SCFD2: variants seen among roughly 807,000 people sequenced by gnomAD.
SCFD2 encodes the protein sec1 family domain containing 2.
A neutral mutation model predicts 58.9 loss-of-function variants in SCFD2; 54 were observed. That is an observed-to-expected ratio of 0.92 (90% CI 0.74 to 1.15). SCFD2 has a LOEUF of 1.15. Among genes scored for constraint, SCFD2 ranks in the 50% most tolerant of loss-of-function variants. The pLI is 0.00. For missense variants in SCFD2, 805 were observed against 836.6 expected (o/e 0.96, Z 0.47); for synonymous variants, 321 against 335.9 (o/e 0.96, Z 0.49).
intron 7 of SCFD2, among the ~76,000 whole-genome samples, chr4:52,901,169 T>A (rs2086727): frequency 7.9e-5 from 12 of 152,132 alleles, no homozygotes; most frequent in African/African-American, 2.9e-4. Context: ...CTGTCCGGCA[T>A]TCCCTCGTGA....
chr4:53,077,561 C>T (rs1043463474), intron 5 of SCFD2, among the ~76,000 whole-genome samples: 9 of 152,082 alleles, frequency 5.9e-5, no homozygotes, highest in Non-Finnish European at 8.8e-5. Context: ...TCTCAGCCAC[C>T]CAAGTAGCTG....
chr4:53,252,185 G>T (rs1191772340), intron 4 of SCFD2, among the ~76,000 whole-genome samples: 20 of 118,910 alleles, frequency 1.7e-4, no homozygotes, highest in Admixed American at 6.3e-4. Flanking sequence ...AAGGGACGTG[G>T]AGGACCTCTT....
intron 5 of SCFD2, among the ~76,000 whole-genome samples, chr4:53,140,083 C>A (rs973935979): frequency 1.3e-5 from 2 of 151,768 alleles, no homozygotes; most frequent in East Asian, 1.9e-4. Flanking sequence ...GGCGGCAGGG[C>A]CCTCTGCCTA....
At chr4:53,347,879 G>A (rs1734101394) in intron 2 of SCFD2, among the ~76,000 whole-genome samples, 1 of 152,232 alleles carries the variant, frequency 6.6e-6, no homozygotes, top group Non-Finnish European at 1.5e-5. Flanking sequence ...CAACACTGCA[G>A]GTGCAGGGTT....
chr4:53,302,420 A>T lies in SCFD2; in HGVS notation c.1135+11216T>A, dbSNP rs576103755. Among the ~76,000 whole-genome samples, 7 of 152,354 alleles carry T rather than the reference A, an allele frequency of 4.6e-5. No individual in the cohort carries two copies. The South Asian group carries it at 8.3e-4, about 18-fold the overall frequency. ...GATGTGAAGGACCTCTTCAAGGAGA[A>T]CTACAAACCACTGCTCAGTGAAATA... is the stretch of plus-strand genomic sequence containing the variant. On this transcript the variant is annotated intron_variant, in intron 3 of 8. Transcript: ENST00000401642.
At chr4:52,880,223 C>G (rs553092845) in intron 8 of SCFD2, among the ~76,000 whole-genome samples, 165 of 152,174 alleles carry the variant, frequency 1.1e-3, no homozygotes, top group Non-Finnish European at 1.8e-3. Context: ...TTTAGAATAA[C>G]CTGGAGGCAG....
intron 5 of SCFD2, among the ~76,000 whole-genome samples, chr4:53,120,440 A>G (rs1165622238): frequency 6.6e-6 from 1 of 152,230 alleles, no homozygotes; most frequent in African/African-American, 2.4e-5. Context: ...TGATGAACAA[A>G]TAGTAGAACA....
chr4:53,287,681 A>G (rs535344016), intron 3 of SCFD2, among the ~76,000 whole-genome samples: 5 of 152,340 alleles, frequency 3.3e-5, no homozygotes, highest in Admixed American at 2.6e-4. Context: ...AAACATTTAA[A>G]AAGCAAGTAA....
At chr4:53,122,401 G>A (rs1483691837) in intron 5 of SCFD2, among the ~76,000 whole-genome samples, 1 of 151,612 alleles carries the variant, frequency 6.6e-6, no homozygotes, top group Non-Finnish European at 1.5e-5. Context: ...CCTGAACTCT[G>A]ACCTCTGAAC....
chr4:53,279,695 G>A (rs1315886887), intron 3 of SCFD2, among the ~76,000 whole-genome samples: 1 of 152,174 alleles, frequency 6.6e-6, no homozygotes, highest in Non-Finnish European at 1.5e-5. Flanking sequence ...AAATACCCGA[G>A]ACTGGACAAT....
At chr4:53,348,714 C>G (rs899002368) in intron 2 of SCFD2, among the ~76,000 whole-genome samples, 1 of 149,038 alleles carries the variant, frequency 6.7e-6, no homozygotes, top group Non-Finnish European at 1.5e-5. Flanking sequence ...CACTTATGAC[C>G]ATATTTTTTT....
chr4:53,175,200 A>G (rs575249802), intron 4 of SCFD2, among the ~76,000 whole-genome samples: 1 of 152,356 alleles, frequency 6.6e-6, no homozygotes, highest in South Asian at 2.1e-4. Context: ...TCTAAATTAA[A>G]AAGCAAATAT....
At chr4:53,289,845 G>T (rs1213029601) in intron 3 of SCFD2, among the ~76,000 whole-genome samples, 1 of 152,122 alleles carries the variant, frequency 6.6e-6, no homozygotes, top group Non-Finnish European at 1.5e-5. Flanking sequence ...GCTATACTTA[G>T]ATAAAATAGA....
chr4:53,334,422 T>C (rs1373025235), intron 2 of SCFD2, among the ~76,000 whole-genome samples: 1 of 151,580 alleles, frequency 6.6e-6, no homozygotes, highest in Non-Finnish European at 1.5e-5. Flanking sequence ...TATGTAGCCA[T>C]AAAAAATGAT....
intron 8 of SCFD2, 130 bp downstream of exon 8, chr4:52,885,617 G>C: frequency 9.2e-7 from 1 of 1,084,354 alleles, no homozygotes; most frequent in Non-Finnish European, 1.4e-6. Flanking sequence ...AGGAGGGAGG[G>C]AACAAAGCCA....
At chr4:53,240,199 G>A (rs758836991) in intron 4 of SCFD2, among the ~76,000 whole-genome samples, 1 of 152,074 alleles carries the variant, frequency 6.6e-6, no homozygotes, top group Non-Finnish European at 1.5e-5. Flanking sequence ...CAGGTCTGAG[G>A]GAATTCTCAT....
At chr4:52,948,034 G>A (rs1003055518) in intron 5 of SCFD2, among the ~76,000 whole-genome samples, 29 of 142,016 alleles carry the variant, frequency 2.0e-4, no homozygotes, top group African/African-American at 4.4e-4. Flanking sequence ...AAAAAATCAC[G>A]TACAAAAAAT....
intron 5 of SCFD2, among the ~76,000 whole-genome samples, chr4:53,020,711 C>T (rs564116256): frequency 3.9e-5 from 6 of 152,284 alleles, no homozygotes; most frequent in African/African-American, 1.4e-4. Context: ...GATCATGTGA[C>T]TGACCGAGGG....
intron 4 of SCFD2, among the ~76,000 whole-genome samples, chr4:53,224,948 A>G (rs1194303695): frequency 1.3e-5 from 2 of 152,182 alleles, no homozygotes; most frequent in Non-Finnish European, 2.9e-5. Context: ...TTAACATTAC[A>G]TGAATAACAT....
Sources: allele counts gnomAD v4.1 joint callset (sites outside exome capture counted in the v4.1 genomes callset), GRCh38; gene constraint gnomAD v4.1.1; transcripts MANE v1.5; gene names NCBI Gene and HGNC (gene_info 2026-07-23, HGNC 2026-07-21).